Variants in ADGRL3 observed in about 807,000 individuals in gnomAD.
ADGRL3 encodes the protein calcium-independent alpha-latrotoxin receptor 3.
Under a neutral mutation model 153.5 loss-of-function variants are expected in ADGRL3, and 62 were observed. That is an observed-to-expected ratio of 0.40 (90% CI 0.33 to 0.50). ADGRL3 has a LOEUF of 0.50. Among genes scored for constraint, ADGRL3 ranks in the 20% least tolerant of loss-of-function variants. The pLI, the probability that ADGRL3 is intolerant of heterozygous loss-of-function variation, is 0.47. For synonymous variants in ADGRL3, 710 were observed against 672.5 expected (o/e 1.06, Z -0.86); for missense variants, 1,641 against 1,859.4 (o/e 0.88, Z 2.16).
intron 6 of ADGRL3, among the ~76,000 whole-genome samples, chr4:61,728,758 T>G (rs1464122765): frequency 6.6e-6 from 1 of 152,088 alleles, no homozygotes; most frequent in Non-Finnish European, 1.5e-5. Context: ...TCAACTTTCA[T>G]ATGACTTTCT....
chr4:61,564,724 C>T (rs2098809660), intron 4 of ADGRL3, among the ~76,000 whole-genome samples: 1 of 152,176 alleles, frequency 6.6e-6, no homozygotes. Flanking sequence ...CTAATCATTC[C>T]TAGCTTTAGT....
chr4:61,750,239 G>T (rs1171875739), intron 8 of ADGRL3, among the ~76,000 whole-genome samples: 2 of 148,830 alleles, frequency 1.3e-5, no homozygotes, highest in Admixed American at 6.7e-5. Context: ...TTAGGTGTTT[G>T]CTGGCCATTT....
intron 8 of ADGRL3, among the ~76,000 whole-genome samples, chr4:61,765,266 G>T (rs1327107769): frequency 6.6e-6 from 1 of 151,980 alleles, no homozygotes; most frequent in Non-Finnish European, 1.5e-5. Context: ...GGGATGACAG[G>T]TTTTTTGGGG....
intron 20 of ADGRL3, among the ~76,000 whole-genome samples, chr4:61,997,693 G>A (rs17828558): frequency 0.2 from 29,973 of 151,892 alleles, 3,812 homozygotes; most frequent in Non-Finnish European, 0.28. Flanking sequence ...ATTTATTGTA[G>A]CATCAGAATT....
Position 61,859,385 on chromosome 4 carries a change from A to G in ADGRL3, c.1481-33271A>G, listed in dbSNP as rs569930866. Among the ~76,000 whole-genome samples the G allele has an allele frequency of 4.2e-4, 64 of 152,350 alleles. 2 individuals carry two copies. The South Asian group carries it at 0.01, about 24-fold the overall frequency. ...AATAATAAAAATATCTGTAGTGACA[A>G]TATGGCAAATTAGTGACTAAATTTA... is the stretch of plus-strand genomic sequence containing the variant. On this transcript the variant is annotated intron_variant, in intron 9 of 26. Transcript: ENST00000683033.
Position 61,649,351 on chromosome 4 carries a change from A to G in ADGRL3, c.474-27475A>G, listed in dbSNP as rs139436720. On this transcript the variant is annotated intron_variant, in intron 5 of 26. Coordinates refer to ENST00000683033, the MANE Select transcript of ADGRL3 (RefSeq NM_001387552.1). The stretch of plus-strand genomic sequence containing the variant: ...AATTAATTCATTCTTAATAGCAGCA[A>G]CATCTAAATTTACCATATTAAAGGT... 1.5e-4 allele frequency among the ~76,000 whole-genome samples: 23 copies of G among 152,256 alleles called. No individual in the cohort carries two copies. In the East Asian group the frequency reaches 4.4e-3, roughly 29 times the overall value.
At chr4:61,957,068 T>C (rs2098969970) in intron 17 of ADGRL3, among the ~76,000 whole-genome samples, 1 of 152,154 alleles carries the variant, frequency 6.6e-6, no homozygotes, top group African/African-American at 2.4e-5. Context: ...TCTAATTCTG[T>C]GAAGAAAGTC....
Position 62,070,757 on chromosome 4 carries a change from AC to A in ADGRL3, c.4483del (p.Leu1495Ter). ...GATGTTTACTACAAAAGCATGCCAA[AC>A]CTAGGCTCCAGAAACCACGTCCATC... is the stretch of plus-strand genomic sequence containing the variant. ...AEDVYYKSMPNLGSRNHVHQL... is the reference protein window; with the variant it reads ...AEDVYYKSMPXLGSRNHVHQL... On this transcript the variant is annotated frameshift_variant, in exon 27 of 27. Coordinates refer to ENST00000683033, the MANE Select transcript of ADGRL3 (RefSeq NM_001387552.1). LOFTEE classifies it high-confidence loss of function. The A allele has an allele frequency of 1.3e-6, 2 of 1,551,614 alleles. No homozygotes were observed. The highest frequency in any genetic ancestry group is 1.7e-6 in the Non-Finnish European group (2 of 1,146,966).
intron 1 of ADGRL3, among the ~76,000 whole-genome samples, chr4:61,227,066 T>G (rs1748315969): frequency 1.3e-5 from 2 of 152,148 alleles, no homozygotes; most frequent in Admixed American, 6.6e-5. Context: ...TTCTGAAGTT[T>G]AACTTGAATT....
intron 3 of ADGRL3, among the ~76,000 whole-genome samples, chr4:61,505,583 C>T (rs141915695): frequency 2.3e-4 from 35 of 151,906 alleles, no homozygotes; most frequent in African/African-American, 6.8e-4. Context: ...TATTTTTGGT[C>T]GAGTCTGAAT....
intron 4 of ADGRL3, among the ~76,000 whole-genome samples, chr4:61,572,433 G>T (rs1162276722): frequency 6.6e-6 from 1 of 152,040 alleles, no homozygotes; most frequent in Non-Finnish European, 1.5e-5. Context: ...CCAGTTTATA[G>T]CATAGTCTGT....
intron 1 of ADGRL3, among the ~76,000 whole-genome samples, chr4:61,206,927 G>A (rs1269680061): frequency 6.6e-6 from 1 of 151,786 alleles, no homozygotes; most frequent in Non-Finnish European, 1.5e-5. Flanking sequence ...AGGTTGCAGT[G>A]AGCCAAGATC....
At chr4:61,810,033 G>C (rs1232414394) in intron 8 of ADGRL3, among the ~76,000 whole-genome samples, 2 of 151,940 alleles carry the variant, frequency 1.3e-5, no homozygotes, top group Non-Finnish European at 2.9e-5. Context: ...GCAAAATCTG[G>C]GTAGCAACAC....
At chr4:61,645,503 T>G (rs61977135) in intron 5 of ADGRL3, among the ~76,000 whole-genome samples, 11 of 151,854 alleles carry the variant, frequency 7.2e-5, no homozygotes, top group East Asian at 1.9e-4. Flanking sequence ...TCTCTCAGCA[T>G]TTGCTTATCT....
intron 6 of ADGRL3, among the ~76,000 whole-genome samples, chr4:61,723,683 G>A (rs541392585): frequency 3.4e-4 from 52 of 152,194 alleles, no homozygotes; most frequent in Admixed American, 8.5e-4. Flanking sequence ...CATGACACCT[G>A]GCGTATGTGG....
intron 1 of ADGRL3, among the ~76,000 whole-genome samples, chr4:61,300,815 G>C (rs1224677411): frequency 6.7e-6 from 1 of 149,434 alleles, no homozygotes. Context: ...ACCCAGGCTG[G>C]AGTGCAGTGG....
intron 19 of ADGRL3, among the ~76,000 whole-genome samples, chr4:61,991,531 A>G (rs1429290322): frequency 6.6e-6 from 1 of 152,072 alleles, no homozygotes; most frequent in East Asian, 1.9e-4. Flanking sequence ...AACACAATCT[A>G]TTTTTGATAT....
At chr4:61,763,956 C>T (rs2096942757) in intron 8 of ADGRL3, among the ~76,000 whole-genome samples, 2 of 152,126 alleles carry the variant, frequency 1.3e-5, no homozygotes, top group South Asian at 4.1e-4. Context: ...ATGCTAATAA[C>T]TCAGAATACA....
Position 61,816,235 on chromosome 4 carries a change from G to C in ADGRL3, c.1480+2346G>C, listed in dbSNP as rs79608719. Among the ~76,000 whole-genome samples the C allele has an allele frequency of 5.7e-3, 862 of 152,294 alleles. 13 individuals carry two copies. The highest frequency in any genetic ancestry group is 0.02 in the African/African-American group (822 of 41,570). On this transcript the variant is annotated intron_variant, in intron 9 of 26. Coordinates refer to ENST00000683033, the MANE Select transcript of ADGRL3 (RefSeq NM_001387552.1). ...GTATAGTGATCTACTCCAAAACTTA[G>C]TGACTTAAAACAAGAAATATTTATT...
Sources: allele counts gnomAD v4.1 joint callset (sites outside exome capture counted in the v4.1 genomes callset), GRCh38; gene constraint gnomAD v4.1.1; transcripts MANE v1.5; gene names NCBI Gene and HGNC (gene_info 2026-07-23, HGNC 2026-07-21).